DTNB: variants seen among roughly 807,000 people sequenced by gnomAD.
The protein encoded by DTNB is DTN-B.
Under a neutral mutation model 90.7 loss-of-function variants are expected in DTNB, and 63 were observed. The observed-to-expected ratio is 0.69, with a 90% confidence interval of 0.57 to 0.86. The LOEUF is 0.86. Ranked by LOEUF, DTNB falls within the 40% of genes least tolerant of loss-of-function variation. DTNB has a pLI of 0.00. For missense variants in DTNB, 744 were observed against 807.1 expected (o/e 0.92, Z 0.95); for synonymous variants, 277 against 286.7 (o/e 0.97, Z 0.34).
At chr2:25,506,189 CAG>C (rs1029886997) in intron 9 of DTNB, among the ~76,000 whole-genome samples, 1 of 151,996 alleles carries the variant, frequency 6.6e-6, no homozygotes, top group Non-Finnish European at 1.5e-5. Context: ...GGTACAAACA[CAG>C]AGTTAGATGG....
intron 5 of DTNB, among the ~76,000 whole-genome samples, chr2:25,603,516 T>C (rs1454083): frequency 0.28 from 41,878 of 152,006 alleles, 6,410 homozygotes; most frequent in Non-Finnish European, 0.36. Flanking sequence ...ATCTAAGAAA[T>C]GTTTTAAACA....
intron 10 of DTNB, among the ~76,000 whole-genome samples, chr2:25,470,980 C>T (rs1169133676): frequency 1.3e-5 from 2 of 152,194 alleles, no homozygotes; most frequent in African/African-American, 4.8e-5. Context: ...TATCTCTCCT[C>T]AAAGGACTTT....
intron 10 of DTNB, among the ~76,000 whole-genome samples, chr2:25,471,489 A>T (rs2062808050): frequency 6.6e-6 from 1 of 150,716 alleles, no homozygotes; most frequent in South Asian, 2.1e-4. Flanking sequence ...TCCGTCTCCC[A>T]GGTTCAAGCA....
chr2:25,567,844 G>A (rs997793306), intron 8 of DTNB, among the ~76,000 whole-genome samples: 8 of 152,246 alleles, frequency 5.3e-5, no homozygotes, highest in Admixed American at 3.3e-4. Flanking sequence ...TATTTGCTAT[G>A]AGCCTTCCTT....
chr2:25,420,425 G>A (rs71439177), intron 15 of DTNB, among the ~76,000 whole-genome samples: 1 of 151,914 alleles, frequency 6.6e-6, no homozygotes, highest in Non-Finnish European at 1.5e-5. Context: ...CTCTTATGCA[G>A]AAAGCACTGG....
At chr2:25,473,290 G>A (rs572762262) in intron 10 of DTNB, among the ~76,000 whole-genome samples, 15 of 152,332 alleles carry the variant, frequency 9.8e-5, no homozygotes, top group African/African-American at 3.6e-4. Flanking sequence ...AAACATAGTA[G>A]GTCTAGGCTG....
chr2:25,615,419 C>T (rs2070036692), intron 4 of DTNB, among the ~76,000 whole-genome samples: 1 of 152,188 alleles, frequency 6.6e-6, no homozygotes, highest in Admixed American at 6.5e-5. Context: ...AAAGTCCCAA[C>T]TCTCTAATCA....
intron 16 of DTNB, among the ~76,000 whole-genome samples, chr2:25,398,626 TTGG>T (rs1461772968): frequency 6.6e-6 from 1 of 152,192 alleles, no homozygotes; most frequent in Non-Finnish European, 1.5e-5. Context: ...ACTCTGTTCC[TTGG>T]TGGTTTTGAC....
Position 25,513,105 on chromosome 2 carries a change from T to C in DTNB, c.1001+18368A>G, listed in dbSNP as rs1458274882. Among the ~76,000 whole-genome samples the C allele has an allele frequency of 4.6e-5, 7 of 152,218 alleles. 1 individual carries two copies. Among genetic ancestry groups the C allele is most frequent in the Admixed American group, 2.0e-4 (3 of 15,282 alleles). The stretch of plus-strand genomic sequence containing the variant: ...AGAGCTAACACAGCAGGTTCTAAAC[T>C]CAGGCACCAGTCAAAAGTGGGCAAT... On this transcript the variant is annotated intron_variant, in intron 9 of 20. Transcript: ENST00000406818.
intron 4 of DTNB, among the ~76,000 whole-genome samples, chr2:25,617,020 T>C (rs893238801): frequency 2.7e-5 from 4 of 149,200 alleles, no homozygotes; most frequent in Admixed American, 6.7e-5. Flanking sequence ...TAACATACCA[T>C]CTCTGAGATC....
At chr2:25,653,713 T>C (rs1236908852) in intron 1 of DTNB, among the ~76,000 whole-genome samples, 3 of 151,932 alleles carry the variant, frequency 2.0e-5, no homozygotes, top group African/African-American at 7.3e-5. Flanking sequence ...GGTTTCACCA[T>C]GTTAGCCAGG....
At chr2:25,579,074 CA>C (rs147587988) in intron 7 of DTNB, among the ~76,000 whole-genome samples, 8,331 of 152,098 alleles carry the variant, frequency 0.055, 739 homozygotes, top group African/African-American at 0.19. Flanking sequence ...ATAAAAGTCA[CA>C]AAAAAATGTT....
intron 1 of DTNB, chr2:25,673,089 C>A (rs1471880388): frequency 6.6e-6 from 1 of 152,130 alleles, no homozygotes; most frequent in East Asian, 1.9e-4. Flanking sequence ...GGCGCCGGGC[C>A]CCCGCTCGCG....
intron 2 of DTNB, among the ~76,000 whole-genome samples, chr2:25,648,247 T>C (rs1297642250): frequency 6.6e-6 from 1 of 152,214 alleles, no homozygotes; most frequent in Non-Finnish European, 1.5e-5. Flanking sequence ...ATGTAATATA[T>C]TCCATTCTTC....
chr2:25,421,877 T>A (rs1191725576), intron 15 of DTNB, among the ~76,000 whole-genome samples: 1 of 152,166 alleles, frequency 6.6e-6, no homozygotes, highest in East Asian at 1.9e-4. Flanking sequence ...TTGCAGTAGA[T>A]ATATCAGGTT....
chr2:25,478,737 C>T (rs1210107971), intron 10 of DTNB, among the ~76,000 whole-genome samples: 21 of 152,158 alleles, frequency 1.4e-4, no homozygotes, highest in Admixed American at 1.2e-3. Context: ...ATAGGTCTAA[C>T]GGGCATGGTC....
intron 10 of DTNB, among the ~76,000 whole-genome samples, chr2:25,465,080 T>C (rs532784280): frequency 1.3e-5 from 2 of 152,148 alleles, no homozygotes; most frequent in East Asian, 3.9e-4. Context: ...GTTAGCAATA[T>C]TAGAAGAAAC....
chr2:25,410,656 A>G (rs1016076641), intron 16 of DTNB, among the ~76,000 whole-genome samples: 3 of 152,194 alleles, frequency 2.0e-5, no homozygotes, highest in African/African-American at 7.2e-5. Context: ...CCCCAGAGAC[A>G]CAGGTATGGG....
chr2:25,652,609 G>A lies in DTNB; in HGVS notation c.52C>T (p.Leu18=), dbSNP rs1574062102. 2 of 1,610,900 alleles carry A rather than the reference G, an allele frequency of 1.2e-6. No individual in the cohort carries two copies. The highest frequency in any genetic ancestry group is 1.7e-6 in the Non-Finnish European group (2 of 1,179,392). Residue 18 remains leucine (L), a synonymous_variant, in exon 2 of 21, where the codon CTG becomes TTG. Transcript: ENST00000406818. The part of the protein sequence containing the change: ...KRKTMAEKRQ[L]FIEMRAQNFD... Reference sequence around the variant, plus strand: ...CAAGACTCACGCATTTCTATGAACAGCTGCCTCTTCTCTGCCATGGTCTTC... The same window carrying A: ...CAAGACTCACGCATTTCTATGAACAACTGCCTCTTCTCTGCCATGGTCTTC...
Sources: gnomAD v4.1 joint callset for allele counts (sites outside exome capture counted in the v4.1 genomes callset) on GRCh38, gnomAD v4.1.1 for gene constraint, MANE v1.5 for transcripts, NCBI Gene and HGNC (gene_info 2026-07-23, HGNC 2026-07-21) for gene names.